FOXM1: variants seen among roughly 807,000 people sequenced by gnomAD.
The protein encoded by FOXM1 is forkhead box M1.
FOXM1 carries 25 observed loss-of-function variants against 63.6 expected under a neutral mutation model. The observed-to-expected ratio is 0.39, with a 90% CI of 0.29 to 0.55. The LOEUF (loss-of-function observed/expected upper bound fraction) is 0.55, where lower values mean the gene tolerates loss of function less well. Ranked by LOEUF, FOXM1 falls within the 20% of genes least tolerant of loss-of-function variation. The pLI, the probability that FOXM1 is intolerant of heterozygous loss-of-function variation, is 0.60. For missense variants in FOXM1, 879 were observed against 958.7 expected (o/e 0.92, Z 1.10); for synonymous variants, 387 against 376.9 (o/e 1.03, Z -0.31).
In FOXM1 at chr12:2,864,865, C is replaced by T. The variant is rs2098120320; in HGVS notation, c.1021-113G>A. On this transcript the variant is annotated intron_variant, in intron 6 of 8. Transcript: ENST00000359843. The surrounding 1 kb of genome is among the most constrained non-coding windows in gnomAD (Gnocchi z 5.1). ...TGGTGTGTGCTTGAGTTAATGACAG[C>T]CCAGAGAGAGGAGGCCAACCTGAGG... is the stretch of plus-strand genomic sequence containing the variant. 1 of 1,235,874 alleles carries T rather than the reference C, an allele frequency of 8.1e-7. No homozygotes were observed. The highest frequency in any genetic ancestry group is 1.2e-6 in the Non-Finnish European group (1 of 843,626). 76.6% of individuals were successfully genotyped at this position (1,235,874 alleles called of 1,614,324 possible).
At position 2,859,205 on chromosome 12, in the gene FOXM1, GAGCTCTGCGGCCC is replaced by G; in HGVS notation, c.1712_1724del (p.Trp571SerfsTer58). 1 of 1,611,968 alleles carries G rather than the reference GAGCTCTGCGGCCC, an allele frequency of 6.2e-7. No homozygotes were observed. The highest frequency in any genetic ancestry group is 8.5e-7 in the Non-Finnish European group (1 of 1,178,840). On this transcript the variant is annotated frameshift_variant, in exon 9 of 9. Coordinates refer to ENST00000359843, the MANE Select transcript of FOXM1 (RefSeq NM_021953.4). LOFTEE classifies it high-confidence loss of function. ...GGTCAGAGGAGTCTGCTGGGAACGG[GAGCTCTGCGGCCC>G]AGCGGGAAGTACTGGGCCCCTCTGA...
rs1187339591 is a variant in FOXM1, at chr12:2,874,820, T to G, written c.-47-295A>C. On this transcript the variant is annotated intron_variant, in intron 1 of 8. Transcript: ENST00000359843. This position sits in a 1 kb window ranked among gnomAD's most constrained non-coding sequence, Gnocchi z 4.3. ...TATTTGGCTACAGAAATGGATGGGA[T>G]AGCTACAAATATGTGGAAATCTCTA... is the stretch of plus-strand genomic sequence containing the variant. Among the ~76,000 whole-genome samples, 1 of 152,074 alleles carries G rather than the reference T, an allele frequency of 6.6e-6. No individual in the cohort carries two copies. Among genetic ancestry groups the G allele is most frequent in the African/African-American group, 2.4e-5 (1 of 41,412 alleles).
rs753064494 is a variant in FOXM1 at position 2,858,888 on chromosome 12, G to A, written c.2042C>T (p.Pro681Leu). The A allele has an allele frequency of 1.9e-6, 3 of 1,614,038 alleles. No homozygotes were observed. Among genetic ancestry groups the A allele is most frequent in the East Asian group, 2.2e-5 (1 of 44,872 alleles). The change falls in exon 9 of 9, where the codon CCC (proline) becomes CTC (leucine). Residue 681 changes from proline (P) to leucine (L), a missense_variant. Transcript: ENST00000359843. ...ESPQRLLSSE[P>L]LDLISVPFGN... is the part of the protein sequence containing the mutation. ...AAAGGGGACGGAGATGAGGTCTAAG[G>A]GTTCTGAACTGAGGAGCCTTTGCGG...
chr12:2,864,839 GT>G lies in FOXM1; in HGVS notation c.1021-88del. On this transcript the variant is annotated intron_variant, in intron 6 of 8. Coordinates refer to ENST00000359843, the MANE Select transcript of FOXM1 (RefSeq NM_021953.4). This position sits in a 1 kb window ranked among gnomAD's most constrained non-coding sequence, Gnocchi z 5.1. ...TGGCAAAACCCCACCAGCTGCTCTG[GT>G]GGTGTGTGCTTGAGTTAATGACAGC... 2 of 1,433,632 alleles carry G rather than the reference GT, an allele frequency of 1.4e-6. No homozygotes were observed. The highest frequency in any genetic ancestry group is 2.0e-6 in the Non-Finnish European group (2 of 1,017,382). The allele number at this position is 1,433,632 out of a possible 1,614,324, so 88.8% of individuals were successfully genotyped here. A position where few individuals can be genotyped will look rare whatever the true frequency, so the allele number is the denominator to read the frequency against.
chr12:2,863,560 T>A (rs1413076075), intron 8 of FOXM1, among the ~76,000 whole-genome samples: 1 of 151,782 alleles, frequency 6.6e-6, no homozygotes, highest in Non-Finnish European at 1.5e-5. Context: ...GCTAATTTTT[T>A]TTTTTGCATT....
chr12:2,867,665 A>C (rs563578784), intron 4 of FOXM1, among the ~76,000 whole-genome samples: 2 of 150,376 alleles, frequency 1.3e-5, no homozygotes, highest in Admixed American at 6.6e-5. Context: ...CCATCTCAAA[A>C]AAAAAAAAAA....
chr12:2,874,591 A>G lies in FOXM1; in HGVS notation c.-47-66T>C, dbSNP rs2098138886. On this transcript the variant is annotated intron_variant, in intron 1 of 8. Coordinates refer to ENST00000359843, the MANE Select transcript of FOXM1 (RefSeq NM_021953.4). This position sits in a 1 kb window ranked among gnomAD's most constrained non-coding sequence, Gnocchi z 4.3. ...AGGCTGAGAAGAGGTCCTTTTAGAGAAAGGTGCTCCTCTTTATATGACCAG... is the reference window on the plus strand; with the variant it reads ...AGGCTGAGAAGAGGTCCTTTTAGAGGAAGGTGCTCCTCTTTATATGACCAG... 6.2e-6 allele frequency: 7 copies of G among 1,121,748 alleles called. No homozygotes were observed. Among genetic ancestry groups the G allele is most frequent in the Non-Finnish European group, 8.9e-6 (7 of 788,664 alleles). 69.5% of individuals were successfully genotyped at this position (1,121,748 alleles called of 1,614,324 possible). A position where few individuals can be genotyped will look rare whatever the true frequency, so the allele number is the denominator to read the frequency against.
intron 4 of FOXM1, among the ~76,000 whole-genome samples, chr12:2,867,821 C>T (rs1274352917): frequency 3.5e-5 from 5 of 143,402 alleles, no homozygotes; most frequent in Non-Finnish European, 1.5e-5. Context: ...ACTAAAAATA[C>T]AAAAAAATTA....
rs769749986 is a variant in FOXM1, at chr12:2,858,761, G to A, written c.2169C>T (p.Val723=). 14 of 1,614,218 alleles carry A rather than the reference G, an allele frequency of 8.7e-6. No individual in the cohort carries two copies. The East Asian group carries it at 2.5e-4, about 28-fold the overall frequency. ...AANRSLTEGL[V]LDTMNDSLSK... ...TGAGGCTGTCATTCATTGTGTCCAG[G>A]ACCAGGCCTTCTGTCAGAGAACGAT... The change falls in exon 9 of 9, where the codon GTC becomes GTT. Residue 723 remains valine (V), a synonymous_variant. Coordinates refer to ENST00000359843, the MANE Select transcript of FOXM1 (RefSeq NM_021953.4).
At chr12:2,870,576 T>A (rs145581918) in intron 3 of FOXM1, among the ~76,000 whole-genome samples, 36 of 150,446 alleles carry the variant, frequency 2.4e-4, no homozygotes, top group African/African-American at 8.3e-4. Context: ...GGCAGGAGAA[T>A]CACTTGAACC....
chr12:2,876,043 G>A (rs2098142861), intron 1 of FOXM1, among the ~76,000 whole-genome samples: 1 of 152,058 alleles, frequency 6.6e-6, no homozygotes, highest in Non-Finnish European at 1.5e-5. Flanking sequence ...TTACAGGCGT[G>A]AGCCACTGCG....
intron 8 of FOXM1, among the ~76,000 whole-genome samples, chr12:2,860,687 A>G (rs2098110034): frequency 6.6e-6 from 1 of 151,988 alleles, no homozygotes. Context: ...AGCCTGACCA[A>G]CATGGTGAAA....
chr12:2,859,521 A>T lies in FOXM1; in HGVS notation c.1409T>A (p.Met470Lys). 1.2e-6 allele frequency: 2 copies of T among 1,614,060 alleles called. No individual in the cohort carries two copies. The highest frequency in any genetic ancestry group is 2.2e-5 in the South Asian group (2 of 91,084). Residue 470 changes from methionine to lysine, a missense_variant, in exon 9 of 9, where the codon ATG becomes AAG. Met to Lys is a moderately conservative substitution (Grantham distance 95). This residue lies in a region of FOXM1 where 486 missense variants were observed against 453.5 expected (regional missense o/e 1.07). Coordinates refer to ENST00000359843, the MANE Select transcript of FOXM1 (RefSeq NM_021953.4). ...TTTGATGGGTCTCGCTAAGTGTGGC[A>T]TTTCCTCCCCAGGCTGGATTTCTTC... ...KEEEIQPGEE[M>K]PHLARPIKVE...
chr12:2,862,765 C>T (rs993526808), intron 8 of FOXM1, among the ~76,000 whole-genome samples: 5 of 151,428 alleles, frequency 3.3e-5, no homozygotes, highest in African/African-American at 1.2e-4. Flanking sequence ...TGGTCTTGAA[C>T]TCCTGGCCTC....
At chr12:2,867,022 G>A (rs764375438) in intron 4 of FOXM1, among the ~76,000 whole-genome samples, 3 of 152,174 alleles carry the variant, frequency 2.0e-5, no homozygotes, top group Admixed American at 6.6e-5. Flanking sequence ...GCATGGTGGC[G>A]CATGCCTTTA....
chr12:2,875,796 T>C (rs2098142010), intron 1 of FOXM1, among the ~76,000 whole-genome samples: 1 of 151,370 alleles, frequency 6.6e-6, no homozygotes, highest in Non-Finnish European at 1.5e-5. Context: ...GCTTCGCTCT[T>C]GTCACCCAGG....
chr12:2,866,926 G>A (rs1453624165), intron 4 of FOXM1, among the ~76,000 whole-genome samples: 1 of 152,220 alleles, frequency 6.6e-6, no homozygotes, highest in Non-Finnish European at 1.5e-5. Context: ...GCCAAGGTGA[G>A]TGGATCACTT....
At chr12:2,861,207 A>C (rs1603499626) in intron 8 of FOXM1, 2 of 641,186 alleles carry the variant, frequency 3.1e-6, no homozygotes, top group African/African-American at 1.9e-5. Context: ...TGATAACAAA[A>C]CCTATATAAA....
At position 2,874,988 on chromosome 12, in the gene FOXM1, ATTTTTT is replaced by A. The variant is rs556937133; in HGVS notation, c.-47-469_-47-464del. Among the ~76,000 whole-genome samples, 5 of 127,162 alleles carry A rather than the reference ATTTTTT, an allele frequency of 3.9e-5. No homozygotes were observed. Among genetic ancestry groups the A allele is most frequent in the Non-Finnish European group, 6.5e-5 (4 of 61,130 alleles). 83.4% of individuals were successfully genotyped at this position (127,162 alleles called of 152,430 possible). A position where few individuals can be genotyped will look rare whatever the true frequency, so the allele number is the denominator to read the frequency against. Reference sequence around the variant, plus strand: ...AATCCATTCAAGACAAAGGATTTTAATTTTTTTTTTTTTTTTTTTTTTGAGACAGAG... The same window carrying A: ...AATCCATTCAAGACAAAGGATTTTAATTTTTTTTTTTTTTTTGAGACAGAG... On this transcript the variant is annotated intron_variant, in intron 1 of 8. Coordinates refer to ENST00000359843, the MANE Select transcript of FOXM1 (RefSeq NM_021953.4). This position sits in a 1 kb window ranked among gnomAD's most constrained non-coding sequence, Gnocchi z 4.3.
Sources: gnomAD v4.1 joint callset for allele counts (sites outside exome capture counted in the v4.1 genomes callset) on GRCh38, gnomAD v4.1.1 for gene constraint, gnomAD v4.1.1 regional missense constraint, Gnocchi (gnomAD v3.1) non-coding constraint, MANE v1.5 for transcripts, NCBI Gene and HGNC (gene_info 2026-07-23, HGNC 2026-07-21) for gene names.